Variants in CTPS1 observed in about 807,000 individuals in gnomAD.
The protein encoded by CTPS1 is CTP synthetase 1.
CTPS1 carries 25 observed loss-of-function variants against 80.5 expected under a neutral mutation model. That is an observed-to-expected ratio of 0.31 (90% confidence interval 0.23 to 0.43). The LOEUF is 0.43. Among genes scored for constraint, CTPS1 ranks in the 20% least tolerant of loss-of-function variants. The probability of loss-of-function intolerance (pLI) is 1.00; values close to 1 mark genes in which losing one functional copy is unlikely to be tolerated. For missense variants in CTPS1, 442 were observed against 725.7 expected (o/e 0.61, Z 4.49); for synonymous variants, 267 against 252.5 (o/e 1.06, Z -0.54).
At position 40,984,847 on chromosome 1, in the gene CTPS1, G is replaced by T. The variant is rs758478895; in HGVS notation, c.193G>T (p.Gly65Trp). ...TGAGGTTTTTGTGCTGGATGATGGT[G>T]GGGAAGTAGACCTTGACCTGGGTAA... ...HGEVFVLDDG[G>W]EVDLDLGNYE... The change falls in exon 3 of 19, where the codon GGG (glycine) becomes TGG (tryptophan). Residue 65 changes from glycine (G) to tryptophan (W), a missense_variant. Coordinates refer to ENST00000650070, the MANE Select transcript of CTPS1 (RefSeq NM_001905.4). 1.3e-6 allele frequency: 2 copies of T among 1,579,246 alleles called. No individual in the cohort carries two copies. Among genetic ancestry groups the T allele is most frequent in the South Asian group, 1.2e-5 (1 of 86,434 alleles).
chr1:40,984,147 G>C (rs894789280), intron 2 of CTPS1, among the ~76,000 whole-genome samples: 1 of 152,176 alleles, frequency 6.6e-6, no homozygotes, highest in Non-Finnish European at 1.5e-5. Flanking sequence ...ATATACCTGA[G>C]TGATATTTAA....
intron 13 of CTPS1, among the ~76,000 whole-genome samples, chr1:41,006,519 TG>T (rs1193965623): frequency 6.6e-6 from 1 of 152,220 alleles, no homozygotes; most frequent in African/African-American, 2.4e-5. Context: ...GGAGAACTGC[TG>T]GGTTGGAGCA....
chr1:40,988,907 G>A (rs745741228), intron 5 of CTPS1, among the ~76,000 whole-genome samples, 197 bp downstream of exon 5: 50 of 152,164 alleles, frequency 3.3e-4, no homozygotes, highest in Admixed American at 3.9e-4. Flanking sequence ...TGAAAAATCA[G>A]GGCAGTTGCA....
rs1250595581 is a variant in CTPS1 at position 41,012,162 on chromosome 1, A to G, written c.*514A>G. ...TCTATACTGCCCTGAGTTGGGGGGA[A>G]TTCTCAGTGCCAACTGTGGCTGGTC... is the stretch of plus-strand genomic sequence containing the variant. On this transcript the variant is annotated 3_prime_UTR_variant, in exon 19 of 19. Coordinates refer to ENST00000650070, the MANE Select transcript of CTPS1 (RefSeq NM_001905.4). The G allele has an allele frequency of 6.6e-6, 1 of 152,138 alleles. No individual in the cohort carries two copies. Among genetic ancestry groups the G allele is most frequent in the Non-Finnish European group, 1.5e-5 (1 of 68,018 alleles). The allele number at this position is 152,138 out of a possible 1,614,324, so 9.4% of individuals were successfully genotyped here.
chr1:41,007,551 A>G lies in CTPS1; in HGVS notation c.1393+6A>G. ...GACCAAGAACTCAGTCATGAGTAAG[A>G]GCTGCCTCACGCTGGCCCAGCCTTT... On this transcript the variant is annotated splice_donor_region_variant and intron_variant, in intron 14 of 18. Transcript: ENST00000650070. This position sits in a 1 kb window ranked among gnomAD's most constrained non-coding sequence, Gnocchi z 4.4. 1 of 1,612,400 alleles carries G rather than the reference A, an allele frequency of 6.2e-7. No individual in the cohort carries two copies. Among genetic ancestry groups the G allele is most frequent in the Non-Finnish European group, 8.5e-7 (1 of 1,178,714 alleles).
chr1:41,003,122 T>C lies in CTPS1; in HGVS notation c.1198T>C (p.Leu400=), dbSNP rs758069009. The C allele has an allele frequency of 6.2e-7, 1 of 1,614,200 alleles. No individual in the cohort carries two copies. The highest frequency in any genetic ancestry group is 2.2e-5 in the East Asian group (1 of 44,890). Residue 400 remains leucine, a synonymous_variant, in exon 12 of 19, where the codon TTA becomes CTA. Transcript: ENST00000650070. ...TTCCCCCCGACTGGAAGGCGTGTGC[T>C]TAGGGATGCAGTTGGCAGTGGTTGA... is the stretch of plus-strand genomic sequence containing the variant. ...NQKKPFLGVC[L]GMQLAVVEFS...
chr1:40,984,752 C>G, intron 2 of CTPS1, 69 bp from the exon 3 acceptor site: 2 of 1,210,464 alleles, frequency 1.7e-6, no homozygotes. Flanking sequence ...TGTTTTATTT[C>G]AGGATTGCAG....
intron 3 of CTPS1, 50 bp downstream of exon 3, chr1:40,985,041 T>TA: frequency 7.4e-7 from 1 of 1,347,114 alleles, no homozygotes; most frequent in Non-Finnish European, 9.9e-7. Context: ...CAGTTTAATT[T>TA]CTTCTCCCTC....
chr1:41,006,026 C>T (rs757712802), intron 12 of CTPS1, 25 bp from the exon 13 acceptor site: 4 of 1,590,750 alleles, frequency 2.5e-6, no homozygotes, highest in Non-Finnish European at 3.5e-6. Flanking sequence ...TAACTATTTT[C>T]ATAACAAGTA....
In CTPS1 at chr1:40,997,530, A is replaced by G. The variant is rs1458467920; in HGVS notation, c.1005+4A>G. On this transcript the variant is annotated splice_donor_region_variant and intron_variant, in intron 9 of 18. Coordinates refer to ENST00000650070, the MANE Select transcript of CTPS1 (RefSeq NM_001905.4). ...CAACCACAAATTGGAAATCAAGGTA[A>G]GGAGGGTGGCACAGGTACAGCCAAA... 2 of 1,613,782 alleles carry G rather than the reference A, an allele frequency of 1.2e-6. No homozygotes were observed. Among genetic ancestry groups the G allele is most frequent in the Non-Finnish European group, 1.7e-6 (2 of 1,179,816 alleles).
At chr1:40,993,871 C>T (rs540342161) in intron 7 of CTPS1, among the ~76,000 whole-genome samples, 9 of 148,402 alleles carry the variant, frequency 6.1e-5, no homozygotes, top group Middle Eastern at 7.6e-3. Flanking sequence ...CTCTGTCTCC[C>T]GTGTTCAAGC....
At chr1:40,986,284 C>G (rs767001591) in intron 3 of CTPS1, among the ~76,000 whole-genome samples, 2 of 152,152 alleles carry the variant, frequency 1.3e-5, no homozygotes, top group Non-Finnish European at 2.9e-5. Context: ...CCAGTCACAG[C>G]GAGAGTGGAA....
intron 1 of CTPS1, chr1:40,981,026 C>T (rs950351320): frequency 6.6e-6 from 1 of 152,334 alleles, no homozygotes; most frequent in African/African-American, 2.4e-5. Context: ...CTTGTCTCAC[C>T]TTCCTCTGAT....
chr1:41,008,802 A>G lies in CTPS1; in HGVS notation c.1458A>G (p.Pro486=), dbSNP rs1215197669. Residue 486 remains proline, a synonymous_variant, in exon 16 of 19, where the codon CCA becomes CCG. Coordinates refer to ENST00000650070, the MANE Select transcript of CTPS1 (RefSeq NM_001905.4). ...ERHRHRFEVN[P]VWKKCLEEQG... ...TTTTCATGCCTCAACAGGTGAATCC[A>G]GTCTGGAAAAAGTGTTTGGAAGAAC... 1.2e-6 allele frequency: 2 copies of G among 1,614,090 alleles called. No individual in the cohort carries two copies. Among genetic ancestry groups the G allele is most frequent in the South Asian group, 1.1e-5 (1 of 91,090 alleles).
chr1:40,982,342 G>T lies in CTPS1; in HGVS notation c.-13-936G>T, dbSNP rs577756249. ...ACAGTCTCTCTTCATTGCATGCCTGGGAGAGATTTCTGACAAGGAGCAAGT... is the reference window on the plus strand; with the variant it reads ...ACAGTCTCTCTTCATTGCATGCCTGTGAGAGATTTCTGACAAGGAGCAAGT... On this transcript the variant is annotated intron_variant, in intron 1 of 18. Coordinates refer to ENST00000650070, the MANE Select transcript of CTPS1 (RefSeq NM_001905.4). Among the ~76,000 whole-genome samples the T allele has an allele frequency of 2.0e-5, 3 of 152,218 alleles. No individual in the cohort carries two copies. The East Asian group carries it at 5.8e-4, about 29-fold the overall frequency.
At chr1:40,980,294 C>G (rs1287898435) in intron 1 of CTPS1, 1 of 151,964 alleles carries the variant, frequency 6.6e-6, no homozygotes, top group Admixed American at 6.6e-5. Context: ...CCTCCGGCCT[C>G]GGCGCGGGCT....
chr1:41,004,107 G>A lies in CTPS1; in HGVS notation c.1252+931G>A, dbSNP rs1642974118. The A allele has an allele frequency of 2.6e-5, 4 of 152,314 alleles. No individual in the cohort carries two copies. In the South Asian group the frequency reaches 8.3e-4, roughly 32 times the overall value. The allele number at this position is 152,314 out of a possible 1,614,324, so 9.4% of individuals were successfully genotyped here. Reference sequence around the variant, plus strand: ...GCCGGCAGGGGAGGAGAACACACATGGGTGTGAAGACTGAGCATGCTGCAC... The same window carrying A: ...GCCGGCAGGGGAGGAGAACACACATAGGTGTGAAGACTGAGCATGCTGCAC... On this transcript the variant is annotated intron_variant, in intron 12 of 18. Transcript: ENST00000650070.
Position 41,007,862 on chromosome 1 carries a change from T to C in CTPS1, c.1393+317T>C, listed in dbSNP as rs528153783. On this transcript the variant is annotated intron_variant, in intron 14 of 18. Transcript: ENST00000650070. The surrounding 1 kb of genome is among the most constrained non-coding windows in gnomAD (Gnocchi z 4.4). ...TAAGACCAGCCATATCAATTGCTGA[T>C]GTTTGGCAATTTTTGTCACACAAAG... Among the ~76,000 whole-genome samples the C allele has an allele frequency of 6.6e-6, 1 of 152,352 alleles. No individual in the cohort carries two copies. Among genetic ancestry groups the C allele is most frequent in the South Asian group, 2.1e-4 (1 of 4,828 alleles).
At chr1:40,983,221 G>C (rs1021070908) in intron 1 of CTPS1, 57 bp from the exon 2 acceptor site, 73 of 1,465,124 alleles carry the variant, frequency 5.0e-5, no homozygotes, top group Non-Finnish European at 6.5e-5. Context: ...TTTGAACCCA[G>C]ATGAGTTTGG....
Sources: gnomAD v4.1 joint callset for allele counts (sites outside exome capture counted in the v4.1 genomes callset) on GRCh38, gnomAD v4.1.1 for gene constraint, Gnocchi (gnomAD v3.1) non-coding constraint, MANE v1.5 for transcripts, NCBI Gene and HGNC (gene_info 2026-07-23, HGNC 2026-07-21) for gene names.